Variants in INPP5A observed in about 807,000 individuals in gnomAD.
INPP5A encodes inositol polyphosphate-5-phosphatase A.
In INPP5A, 14 loss-of-function variants were observed where a neutral mutation model predicts 65.2. The ratio of observed to expected loss-of-function variants is 0.21; its 90% CI spans 0.14 to 0.34. The LOEUF (loss-of-function observed/expected upper bound fraction) is 0.34. Ranked by LOEUF, INPP5A falls within the 10% of genes least tolerant of loss-of-function variation. INPP5A has a pLI of 1.00. For missense variants in INPP5A, 431 were observed against 545.6 expected (o/e 0.79, Z 2.09); for synonymous variants, 207 against 208.3 (o/e 0.99, Z 0.05).
At chr10:132,766,586 T>G (rs1846849342) in intron 12 of INPP5A, among the ~76,000 whole-genome samples, 1 of 152,186 alleles carries the variant, frequency 6.6e-6, no homozygotes, top group South Asian at 2.1e-4. Flanking sequence ...CTCGCGTACA[T>G]GGTTGCATAT....
rs1401400372 is a variant in INPP5A at position 132,698,507 on chromosome 10, C to A, written c.474+588C>A. Among the ~76,000 whole-genome samples, 1 of 152,264 alleles carries A rather than the reference C, an allele frequency of 6.6e-6. No homozygotes were observed. The highest frequency in any genetic ancestry group is 1.5e-5 in the Non-Finnish European group (1 of 68,046). ...GGTGTTTCCTTCTGGCGGCCATGCACTTTGCTGAGCTGTGTGCGCGGCTGT... is the reference window on the plus strand; with the variant it reads ...GGTGTTTCCTTCTGGCGGCCATGCAATTTGCTGAGCTGTGTGCGCGGCTGT... On this transcript the variant is annotated intron_variant, in intron 6 of 15. Coordinates refer to ENST00000368594, the MANE Select transcript of INPP5A (RefSeq NM_005539.5). This position sits in a 1 kb window ranked among gnomAD's most constrained non-coding sequence, Gnocchi z 5.5.
chr10:132,619,695 G>C (rs1435291578), intron 2 of INPP5A, among the ~76,000 whole-genome samples: 1 of 152,166 alleles, frequency 6.6e-6, no homozygotes, highest in Non-Finnish European at 1.5e-5. Context: ...TATACATCCT[G>C]TTACCCAGGC....
chr10:132,632,871 G>A (rs537357746), intron 2 of INPP5A, among the ~76,000 whole-genome samples: 10 of 152,320 alleles, frequency 6.6e-5, no homozygotes, highest in Admixed American at 5.9e-4. Flanking sequence ...GTGCCTTGCC[G>A]AGCACCTCTC....
chr10:132,635,150 T>A (rs2072327886), intron 2 of INPP5A, among the ~76,000 whole-genome samples: 1 of 152,154 alleles, frequency 6.6e-6, no homozygotes, highest in Non-Finnish European at 1.5e-5. Flanking sequence ...ATTTATTTCG[T>A]TTTCTTTTAA....
At chr10:132,758,658 C>T (rs1197659020) in intron 11 of INPP5A, among the ~76,000 whole-genome samples, 2 of 152,030 alleles carry the variant, frequency 1.3e-5, no homozygotes, top group Admixed American at 6.5e-5. Flanking sequence ...TGGAATGGGT[C>T]CCCAGCTGAC....
intron 1 of INPP5A, among the ~76,000 whole-genome samples, chr10:132,559,583 C>A (rs1016733072): frequency 1.3e-5 from 2 of 152,240 alleles, no homozygotes; most frequent in African/African-American, 2.4e-5. Flanking sequence ...AATCAAACAG[C>A]GTGTGGCCTT....
chr10:132,540,761 T>C (rs1444496275), intron 1 of INPP5A, among the ~76,000 whole-genome samples: 2 of 152,240 alleles, frequency 1.3e-5, no homozygotes, highest in African/African-American at 2.4e-5. Context: ...CTGCAGGCAG[T>C]GCTCAGGCTG....
intron 2 of INPP5A, among the ~76,000 whole-genome samples, chr10:132,610,041 C>T (rs1043103018): frequency 3.3e-5 from 5 of 152,352 alleles, no homozygotes; most frequent in Middle Eastern, 3.4e-3. Context: ...TTTTAGGAGA[C>T]GTTTACAGTG....
At chr10:132,738,463 G>T (rs760691983) in intron 9 of INPP5A, among the ~76,000 whole-genome samples, 1 of 152,248 alleles carries the variant, frequency 6.6e-6, no homozygotes, top group African/African-American at 2.4e-5. Context: ...GGGGATGTCC[G>T]GGAGGAGCCA....
At chr10:132,780,780 C>A in intron 13 of INPP5A, 69 bp from the exon 14 acceptor site, 1 of 1,239,720 alleles carries the variant, frequency 8.1e-7, no homozygotes, top group Non-Finnish European at 1.2e-6. Context: ...ATGTTCCTGC[C>A]AGTCAGCTCC....
chr10:132,605,514 G>A (rs1167184861), intron 1 of INPP5A, among the ~76,000 whole-genome samples: 1 of 151,528 alleles, frequency 6.6e-6, no homozygotes, highest in Non-Finnish European at 1.5e-5. Flanking sequence ...GGACAGGGAG[G>A]GCGTGGATCC....
chr10:132,672,851 T>C (rs1427810600), intron 4 of INPP5A, among the ~76,000 whole-genome samples: 1 of 152,224 alleles, frequency 6.6e-6, no homozygotes, highest in East Asian at 1.9e-4. Flanking sequence ...TGCCTTCTTC[T>C]ACTGTCCATT....
intron 8 of INPP5A, among the ~76,000 whole-genome samples, chr10:132,724,775 C>T (rs1047524012): frequency 2.0e-5 from 3 of 147,598 alleles, no homozygotes; most frequent in Non-Finnish European, 4.5e-5. Flanking sequence ...ATATTCACCA[C>T]AGACGGGGGT....
chr10:132,710,170 T>C (rs1400511451), intron 7 of INPP5A, among the ~76,000 whole-genome samples, 167 bp from the exon 8 acceptor site: 2 of 152,280 alleles, frequency 1.3e-5, no homozygotes, highest in Non-Finnish European at 2.9e-5. Context: ...TTTCCTGACC[T>C]CTGGCCTTGT....
At chr10:132,755,535 C>G (rs1257511511) in intron 11 of INPP5A, among the ~76,000 whole-genome samples, 2 of 132,052 alleles carry the variant, frequency 1.5e-5, no homozygotes. Context: ...TGTGAGCAGG[C>G]ATATGCATAT....
chr10:132,749,211 C>T (rs1027945266), intron 9 of INPP5A, among the ~76,000 whole-genome samples: 1 of 152,268 alleles, frequency 6.6e-6, no homozygotes, highest in Admixed American at 6.5e-5. Context: ...TGCTGCTGTG[C>T]CTTCCGAGCC....
intron 1 of INPP5A, among the ~76,000 whole-genome samples, chr10:132,590,587 G>A (rs987466665): frequency 6.6e-6 from 1 of 152,198 alleles, no homozygotes; most frequent in African/African-American, 2.4e-5. Context: ...GCACCCTCCA[G>A]CGATGGGTCC....
intron 11 of INPP5A, among the ~76,000 whole-genome samples, chr10:132,750,141 G>A (rs1340777219): frequency 6.6e-6 from 1 of 152,240 alleles, no homozygotes; most frequent in Non-Finnish European, 1.5e-5. Flanking sequence ...GCTGTGGGGT[G>A]GGGAGGAAAG....
chr10:132,639,409 C>T (rs1202058726), intron 2 of INPP5A, among the ~76,000 whole-genome samples: 2 of 151,646 alleles, frequency 1.3e-5, no homozygotes, highest in African/African-American at 2.4e-5. Flanking sequence ...GAATTGTTGA[C>T]TCCTTCCTGT....
Sources: allele counts gnomAD v4.1 joint callset (sites outside exome capture counted in the v4.1 genomes callset), GRCh38; gene constraint gnomAD v4.1.1; non-coding constraint Gnocchi (gnomAD v3.1); transcripts MANE v1.5; gene names NCBI Gene and HGNC (gene_info 2026-07-23, HGNC 2026-07-21).